The following ZGRF1 variants were observed in gnomAD, a reference collection of about 807,000 sequenced individuals.
ZGRF1 encodes the protein 5'-3' DNA helicase ZGRF1.
ZGRF1 carries 196 observed loss-of-function variants against 203.5 expected under a neutral mutation model. That is an observed-to-expected ratio of 0.96 (90% CI 0.86 to 1.08). ZGRF1 has a LOEUF of 1.08. ZGRF1 is among the 50% of genes least tolerant of loss of function. The pLI, the probability that ZGRF1 is intolerant of heterozygous loss-of-function variation, is 0.00. For synonymous variants in ZGRF1, 809 were observed against 841.3 expected (o/e 0.96, Z 0.66); for missense variants, 2,326 against 2,416.3 (o/e 0.96, Z 0.78).
chr4:112,605,928 CTTGTTTTT>C lies in ZGRF1; in HGVS notation c.2802+72_2802+79del, dbSNP rs558788559. 232 of 927,436 alleles carry C rather than the reference CTTGTTTTT, an allele frequency of 2.5e-4. 1 individual carries two copies. Among genetic ancestry groups the C allele is most frequent in the East Asian group, 2.1e-3 (86 of 41,378 alleles). 57.5% of individuals were successfully genotyped at this position (927,436 alleles called of 1,614,324 possible). A position where few individuals can be genotyped will look rare whatever the true frequency, so the allele number is the denominator to read the frequency against. On this transcript the variant is annotated intron_variant, in intron 9 of 27. Transcript: ENST00000505019. Reference sequence around the variant, plus strand: ...CCTTCTGCCTGTGAAAACTCTGATACTTGTTTTTTTGTTTTTTTGTTTTAAACAGAAAA... The same window carrying C: ...CCTTCTGCCTGTGAAAACTCTGATACTTGTTTTTTTGTTTTAAACAGAAAA...
At chr4:112,564,856 T>C (rs920002720) in intron 16 of ZGRF1, 16 of 606,378 alleles carry the variant, frequency 2.6e-5, no homozygotes, top group African/African-American at 2.6e-4. Context: ...AAGGTCACAT[T>C]ATAAATTCTT....
At position 112,560,924 on chromosome 4, in the gene ZGRF1, A is replaced by G; in HGVS notation, c.4769T>C (p.Val1590Ala). Residue 1590 changes from valine to alanine, a missense_variant, in exon 19 of 28, where the codon GTC becomes GCC. Coordinates refer to ENST00000505019, the MANE Select transcript of ZGRF1 (RefSeq NM_018392.5). ...RKFIPPAFTN[V>A]STKFELLSLG... ...GCTGAGTAGTTCAAATTTTGTACTGACATTTGTGAAGGCTGGTGGGATAAA... is the reference window on the plus strand; with the variant it reads ...GCTGAGTAGTTCAAATTTTGTACTGGCATTTGTGAAGGCTGGTGGGATAAA... 6.2e-7 allele frequency: 1 copy of G among 1,612,738 alleles called. No individual in the cohort carries two copies. The highest frequency in any genetic ancestry group is 8.5e-7 in the Non-Finnish European group (1 of 1,178,982).
At chr4:112,625,590 A>AG (rs1385982421) in intron 3 of ZGRF1, among the ~76,000 whole-genome samples, 1 of 148,854 alleles carries the variant, frequency 6.7e-6, no homozygotes, top group Non-Finnish European at 1.5e-5. Flanking sequence ...CGTCTCAAAA[A>AG]AAAAAAAAAA....
At chr4:112,602,625 T>C (rs1750156756) in intron 10 of ZGRF1, among the ~76,000 whole-genome samples, 1 of 152,230 alleles carries the variant, frequency 6.6e-6, no homozygotes, top group Non-Finnish European at 1.5e-5. Context: ...TCTGTAATAG[T>C]CCCTTAACAC....
chr4:112,618,919 C>T lies in ZGRF1; in HGVS notation c.1123G>A (p.Val375Ile), dbSNP rs201425741. The T allele has an allele frequency of 7.1e-5, 115 of 1,613,740 alleles. No homozygotes were observed. Among genetic ancestry groups the T allele is most frequent in the Admixed American group, 1.3e-4 (8 of 59,980 alleles). Residue 375 changes from valine to isoleucine, a missense_variant, in exon 6 of 28, where the codon GTT becomes ATT. Coordinates refer to ENST00000505019, the MANE Select transcript of ZGRF1 (RefSeq NM_018392.5). ...DLSLQKIIQF[V>I]ETYAEERKKY... ...TTCCTCTCTTCAGCATACGTTTCAA[C>T]GAACTGTATAATTTTTTGTAATGAA...
Position 112,618,283 on chromosome 4 carries a change from C to T in ZGRF1, c.1759G>A (p.Glu587Lys). ...ACAGATGTTAAGAATGGCAAATGTT[C>T]ACCCTCAATCTCTTCACAGTTTGTA... ...ENTNCEEIEG[E>K]HLPFLTSVSD... The change falls in exon 6 of 28, where the codon GAA becomes AAA. Residue 587 changes from glutamate (E) to lysine (K), a missense_variant. Coordinates refer to ENST00000505019, the MANE Select transcript of ZGRF1 (RefSeq NM_018392.5). The T allele has an allele frequency of 1.9e-6, 3 of 1,613,878 alleles. No individual in the cohort carries two copies. Among genetic ancestry groups the T allele is most frequent in the Non-Finnish European group, 2.5e-6 (3 of 1,179,890 alleles).
At chr4:112,606,182 A>G in intron 8 of ZGRF1, 91 bp from the exon 9 acceptor site, 1 of 843,908 alleles carries the variant, frequency 1.2e-6, no homozygotes, top group South Asian at 1.6e-5. Context: ...GCAAAACTTA[A>G]GTTTGCCCTG....
chr4:112,617,546 TAGCGA>T lies in ZGRF1; in HGVS notation c.2491_2495del (p.Ser831MetfsTer2). On this transcript the variant is annotated frameshift_variant, in exon 6 of 28. Transcript: ENST00000505019. LOFTEE classifies it high-confidence loss of function. ...TGTCTAAAGCAGTACTGTGTTCACA[TAGCGA>T]CTTTAAAATAGAAATGGTATTTACT... 1 of 1,613,666 alleles carries T rather than the reference TAGCGA, an allele frequency of 6.2e-7. No individual in the cohort carries two copies. The highest frequency in any genetic ancestry group is 1.1e-5 in the South Asian group (1 of 90,958).
At chr4:112,616,466 A>T (rs1386899566) in intron 6 of ZGRF1, among the ~76,000 whole-genome samples, 2 of 150,246 alleles carry the variant, frequency 1.3e-5, no homozygotes, top group African/African-American at 2.5e-5. Flanking sequence ...CGGAGCTTGC[A>T]GTGAGCCGAG....
chr4:112,588,956 G>A (rs1747694645), intron 11 of ZGRF1, among the ~76,000 whole-genome samples: 4 of 152,044 alleles, frequency 2.6e-5, no homozygotes, highest in Admixed American at 2.6e-4. Context: ...ACTTTTTCTT[G>A]AATACCCACT....
intron 16 of ZGRF1, among the ~76,000 whole-genome samples, chr4:112,575,516 C>A (rs902247284): frequency 3.3e-5 from 5 of 152,200 alleles, no homozygotes; most frequent in African/African-American, 1.2e-4. Flanking sequence ...TCAGGGAATT[C>A]TCTTTCCTAG....
rs751656807 is a variant in ZGRF1, at chr4:112,618,534, A to T, written c.1508T>A (p.Ile503Asn). 5.6e-6 allele frequency: 9 copies of T among 1,613,430 alleles called. No individual in the cohort carries two copies. The highest frequency in any genetic ancestry group is 1.7e-5 in the Admixed American group (1 of 60,006). The change falls in exon 6 of 28, where the codon ATT (isoleucine) becomes AAT (asparagine). Residue 503 changes from isoleucine to asparagine, a missense_variant. Physicochemically the swap from Ile to Asn is moderately radical, Grantham distance 149. Coordinates refer to ENST00000505019, the MANE Select transcript of ZGRF1 (RefSeq NM_018392.5). ...TTCATTATCCATTTTACTTTCAGAAATCATGTCTGTAATGTCATCAGAGAT... is the reference window on the plus strand; with the variant it reads ...TTCATTATCCATTTTACTTTCAGAATTCATGTCTGTAATGTCATCAGAGAT... ...SRISDDITDM[I>N]SESKMDNESL...
chr4:112,624,663 A>AG (rs1271326581), intron 3 of ZGRF1, among the ~76,000 whole-genome samples: 12 of 151,336 alleles, frequency 7.9e-5, no homozygotes, highest in East Asian at 7.8e-4. Flanking sequence ...GTGAGGGGTA[A>AG]GGGGGGAAAA....
At chr4:112,545,681 T>C (rs1444326835) in intron 24 of ZGRF1, among the ~76,000 whole-genome samples, 4 of 152,222 alleles carry the variant, frequency 2.6e-5, no homozygotes, top group Non-Finnish European at 4.4e-5. Context: ...TATATCAATG[T>C]TCACAGGAGA....
rs527973591 is a variant in ZGRF1, at chr4:112,575,424, T to G, written c.4438+6239A>C. ...CATCTCACTGGGGAGTGTTGGACAG[T>G]GGGTGCAGGACAGTGGGTGCAGTGC... On this transcript the variant is annotated intron_variant, in intron 16 of 27. Transcript: ENST00000505019. 6.6e-5 allele frequency among the ~76,000 whole-genome samples: 10 copies of G among 152,138 alleles called. No individual in the cohort carries two copies. In the South Asian group the frequency reaches 2.1e-3, roughly 32 times the overall value.
intron 10 of ZGRF1, among the ~76,000 whole-genome samples, chr4:112,593,949 C>T (rs1349422605): frequency 6.6e-6 from 1 of 151,274 alleles, no homozygotes; most frequent in Non-Finnish European, 1.5e-5. Flanking sequence ...GATGGGGATT[C>T]CCTGTTGCCC....
intron 10 of ZGRF1, among the ~76,000 whole-genome samples, chr4:112,596,246 G>A (rs1015937123): frequency 6.6e-6 from 1 of 152,072 alleles, no homozygotes; most frequent in Non-Finnish European, 1.5e-5. Context: ...AAGAAGATGG[G>A]GAATAGTATA....
chr4:112,584,039 T>C lies in ZGRF1; in HGVS notation c.4237A>G (p.Ile1413Val). Residue 1413 changes from isoleucine (I) to valine (V), a missense_variant, in exon 15 of 28, where the codon ATT becomes GTT. Coordinates refer to ENST00000505019, the MANE Select transcript of ZGRF1 (RefSeq NM_018392.5). ...TTTTGACTTCTTAAATATAAGCCAA[T>C]ACTCTTAATATCACTTAAAACCATG... ...PGMVLSDIKS[I>V]GLYLRSQKIP... 6.2e-7 allele frequency: 1 copy of C among 1,613,288 alleles called. No homozygotes were observed. Among genetic ancestry groups the C allele is most frequent in the Non-Finnish European group, 8.5e-7 (1 of 1,179,668 alleles).
intron 24 of ZGRF1, among the ~76,000 whole-genome samples, chr4:112,543,601 A>G (rs539090713): frequency 6.6e-6 from 1 of 152,336 alleles, no homozygotes; most frequent in African/African-American, 2.4e-5. Flanking sequence ...AGGGCAGAAC[A>G]GTGTGCAGAG....
Sources: allele counts gnomAD v4.1 joint callset (sites outside exome capture counted in the v4.1 genomes callset), GRCh38; gene constraint gnomAD v4.1.1; transcripts MANE v1.5; gene names NCBI Gene and HGNC (gene_info 2026-07-23, HGNC 2026-07-21).